Variants in RCN2 observed in about 807,000 individuals in gnomAD.
RCN2 encodes reticulocalbin-2.
RCN2 carries 23 observed loss-of-function variants against 37.5 expected under a neutral mutation model. The observed-to-expected ratio is 0.61, with a 90% CI of 0.44 to 0.87. RCN2 has a LOEUF of 0.87. Among genes scored for constraint, RCN2 ranks in the 40% least tolerant of loss-of-function variants. The pLI is 0.00. For missense variants in RCN2, 381 were observed against 390.4 expected, an observed-to-expected ratio of 0.98 and a Z score of 0.20; for synonymous variants, 140 against 144.6, an observed-to-expected ratio of 0.97 and a Z score of 0.23.
In RCN2 at chr15:76,952,301, C is replaced by G. The variant is rs2075324985; in HGVS notation, c.*3079C>G. The G allele has an allele frequency of 6.6e-6, 1 of 152,146 alleles. No individual in the cohort carries two copies. The highest frequency in any genetic ancestry group is 6.5e-5 in the Admixed American group (1 of 15,274). The allele number at this position is 152,146 out of a possible 1,614,324, so 9.4% of individuals were successfully genotyped here. ...GGACAAATGTATAATTACATATTCC[C>G]ACCATTGTAGTGTGGTAGAATATTT... On this transcript the variant is annotated 3_prime_UTR_variant, in exon 7 of 7. Transcript: ENST00000394885.
chr15:76,946,630 T>A (rs2075297923), intron 4 of RCN2, among the ~76,000 whole-genome samples: 1 of 152,162 alleles, frequency 6.6e-6, no homozygotes, highest in Admixed American at 6.5e-5. Flanking sequence ...CATACGCCTG[T>A]AGTCCCAGCT....
chr15:76,946,490 G>T (rs1210663697), intron 4 of RCN2, among the ~76,000 whole-genome samples: 2 of 151,222 alleles, frequency 1.3e-5, no homozygotes, highest in South Asian at 4.2e-4. Flanking sequence ...AGTGGCTTAC[G>T]CCTGTAATCC....
At chr15:76,939,785 A>G (rs1473780100) in intron 3 of RCN2, among the ~76,000 whole-genome samples, 1 of 152,124 alleles carries the variant, frequency 6.6e-6, no homozygotes, top group Non-Finnish European at 1.5e-5. Flanking sequence ...TATGTTTTCT[A>G]TTTTTATTTT....
At chr15:76,944,272 C>T (rs2075288195) in intron 4 of RCN2, among the ~76,000 whole-genome samples, 2 of 151,934 alleles carry the variant, frequency 1.3e-5, no homozygotes, top group Admixed American at 6.6e-5. Context: ...TGAGCCACCG[C>T]GCCCGGCCGA....
intron 3 of RCN2, chr15:76,941,536 C>T: frequency 1.9e-6 from 1 of 533,820 alleles, no homozygotes; most frequent in Non-Finnish European, 3.2e-6. Flanking sequence ...CTGTACCTAA[C>T]ACTTTTTACC....
chr15:76,935,813 A>C (rs1438628871), intron 3 of RCN2, 91 bp downstream of exon 3: 1 of 914,508 alleles, frequency 1.1e-6, no homozygotes, highest in African/African-American at 1.7e-5. Context: ...CTGAGGTCAT[A>C]AGCTGGATTG....
At position 76,935,680 on chromosome 15, in the gene RCN2, G is replaced by C; in HGVS notation, c.405G>C (p.Glu135Asp). The C allele has an allele frequency of 6.2e-7, 1 of 1,614,022 alleles. No homozygotes were observed. The highest frequency in any genetic ancestry group is 8.5e-7 in the Non-Finnish European group (1 of 1,179,964). The change falls in exon 3 of 7, where the codon GAG (glutamate) becomes GAC (aspartate). Residue 135 changes from glutamate to aspartate, a missense_variant. By Grantham distance (45) the Glu-to-Asp change is conservative. Transcript: ENST00000394885. The stretch of plus-strand genomic sequence containing the variant: ...ATGATCGTGTGATTGACTTTGATGA[G>C]AACACTGCTCTGGATGATGCAGAAG... ...QMYDRVIDFD[E>D]NTALDDAEEE... is the part of the protein sequence containing the mutation.
intron 4 of RCN2, among the ~76,000 whole-genome samples, chr15:76,945,947 C>T (rs956094291): frequency 6.6e-6 from 1 of 152,138 alleles, no homozygotes; most frequent in African/African-American, 2.4e-5. Context: ...CCAAGAATGA[C>T]AGGCAAAGGA....
At chr15:76,943,360 T>C (rs1423343124) in intron 3 of RCN2, 1 of 154,058 alleles carries the variant, frequency 6.5e-6, no homozygotes, top group Non-Finnish European at 1.4e-5. Flanking sequence ...TTTCTGACTT[T>C]TATCAAATCA....
At position 76,931,970 on chromosome 15, in the gene RCN2, G is replaced by T; in HGVS notation, c.129G>T (p.Ala43=). The T allele has an allele frequency of 7.9e-7, 1 of 1,267,544 alleles. No homozygotes were observed. The allele number at this position is 1,267,544 out of a possible 1,614,324, so 78.5% of individuals were successfully genotyped here. ...GCCGCAGCGACTACGACCGCGAGGCGCTGCTGGGCGTCCAGGTGAGGCGGC... is the reference window on the plus strand; with the variant it reads ...GCCGCAGCGACTACGACCGCGAGGCTCTGCTGGGCGTCCAGGTGAGGCGGC... The part of the protein sequence containing the change: ...GERRSDYDRE[A]LLGVQEDVDE... Residue 43 remains alanine (A), a synonymous_variant, in exon 1 of 7, where the codon GCG becomes GCT. Transcript: ENST00000394885.
In RCN2 at chr15:76,935,735, G is replaced by T. The variant is rs1199891029; in HGVS notation, c.447+13G>T. On this transcript the variant is annotated intron_variant, in intron 3 of 6. Coordinates refer to ENST00000394885, the MANE Select transcript of RCN2 (RefSeq NM_002902.3). Reference sequence around the variant, plus strand: ...GTCCTTTAGGAAGGTGAGTTCATGTGCACAAGCTGTTTCTTTTGATCATGT... The same window carrying T: ...GTCCTTTAGGAAGGTGAGTTCATGTTCACAAGCTGTTTCTTTTGATCATGT... 1.9e-6 allele frequency: 3 copies of T among 1,596,670 alleles called. No homozygotes were observed. The highest frequency in any genetic ancestry group is 3.3e-4 in the Middle Eastern group (2 of 6,000).
rs375333451 is a variant in RCN2 at position 76,944,349 on chromosome 15, G to A, written c.561+478G>A. ...TAGACAATGAGGTATCCATCCCCTCGAACTTTTATCCTTTGTGTTACTAAC... is the reference window on the plus strand; with the variant it reads ...TAGACAATGAGGTATCCATCCCCTCAAACTTTTATCCTTTGTGTTACTAAC... On this transcript the variant is annotated intron_variant, in intron 4 of 6. Coordinates refer to ENST00000394885, the MANE Select transcript of RCN2 (RefSeq NM_002902.3). Among the ~76,000 whole-genome samples, 127 of 151,916 alleles carry A rather than the reference G, an allele frequency of 8.4e-4. 2 individuals carry two copies. The highest frequency in any genetic ancestry group is 7.2e-4 in the Non-Finnish European group (49 of 67,978).
At position 76,949,192 on chromosome 15, in the gene RCN2, T is replaced by C. The variant is rs370868767; in HGVS notation, c.924T>C (p.His308=). Residue 308 remains histidine, a synonymous_variant, in exon 7 of 7, where the codon CAT becomes CAC. Transcript: ENST00000394885. Reference sequence around the variant, plus strand: ...CCACAGATTATGGCAGACAGCTCCATGATGACTATTTCTATCATGATGAGC... The same window carrying C: ...CCACAGATTATGGCAGACAGCTCCACGATGACTATTTCTATCATGATGAGC... ...SEATDYGRQL[H]DDYFYHDEL 100 of 1,612,318 alleles carry C rather than the reference T, an allele frequency of 6.2e-5. No homozygotes were observed. In the Middle Eastern group the frequency reaches 1.8e-3, roughly 29 times the overall value.
At chr15:76,948,908 G>T in intron 6 of RCN2, 162 bp from the exon 7 acceptor site, 1 of 676,230 alleles carries the variant, frequency 1.5e-6, no homozygotes, top group Non-Finnish European at 2.5e-6. Context: ...AATGGGAAAA[G>T]CAGTAGACGG....
In RCN2 at chr15:76,943,859, T is replaced by C. The variant is rs1326320748; in HGVS notation, c.549T>C (p.Val183=). The C allele has an allele frequency of 7.6e-6, 12 of 1,574,152 alleles. No homozygotes were observed. Among genetic ancestry groups the C allele is most frequent in the Non-Finnish European group, 1.0e-5 (12 of 1,145,616 alleles). The change falls in exon 4 of 7, where the codon GTT becomes GTC. Residue 183 remains valine (V), a synonymous_variant. Transcript: ENST00000394885. ...EFIAFEHPEE[V]DYMTEFVIQE... The stretch of plus-strand genomic sequence containing the variant: ...TTGCTTTTGAGCATCCTGAAGAAGT[T>C]GATTATATGACGGTAAGAAAGAAAC...
At chr15:76,943,572 A>G (rs990452758) in intron 3 of RCN2, 186 bp from the exon 4 acceptor site, 8 of 435,076 alleles carry the variant, frequency 1.8e-5, no homozygotes, top group East Asian at 3.4e-5. Flanking sequence ...CTGGGTCTAT[A>G]TGACTCTAGA....
In RCN2 at chr15:76,953,568, TATATATATATATATATATA is replaced by T. The variant is rs2075331522; in HGVS notation, c.*4347_*4365del. The T allele has an allele frequency of 1.8e-4, 3 of 16,236 alleles. No individual in the cohort carries two copies. The highest frequency in any genetic ancestry group is 8.2e-4 in the African/African-American group (3 of 3,640). 1.0% of individuals were successfully genotyped at this position (16,236 alleles called of 1,614,324 possible). A position where few individuals can be genotyped will look rare whatever the true frequency, so the allele number is the denominator to read the frequency against. ...CATATAGTAATTCTATATATATATA[TATATATATATATATATATA>T]TATATATTTTTTTTTTTTTTTTTTT... On this transcript the variant is annotated 3_prime_UTR_variant, in exon 7 of 7. Coordinates refer to ENST00000394885, the MANE Select transcript of RCN2 (RefSeq NM_002902.3).
chr15:76,948,581 C>A, intron 6 of RCN2, 29 bp downstream of exon 6: 1 of 1,486,244 alleles, frequency 6.7e-7, no homozygotes. Context: ...CTGTTTCTCT[C>A]CACCCCCTCC....
At chr15:76,947,679 T>A (rs2075302303) in intron 5 of RCN2, 162 bp downstream of exon 5, 1 of 554,862 alleles carries the variant, frequency 1.8e-6, no homozygotes, top group East Asian at 3.4e-5. Flanking sequence ...CAAATGGATT[T>A]ATAGCTTATC....
Sources: gnomAD v4.1 joint callset for allele counts (sites outside exome capture counted in the v4.1 genomes callset) on GRCh38, gnomAD v4.1.1 for gene constraint, MANE v1.5 for transcripts, NCBI Gene and HGNC (gene_info 2026-07-23, HGNC 2026-07-21) for gene names.